The following TCF7L1 variants were observed in gnomAD, a reference collection of about 807,000 sequenced individuals.
TCF7L1 encodes transcription factor 7-like 1.
A neutral mutation model predicts 63.7 loss-of-function variants in TCF7L1; 18 were observed. That is an observed-to-expected ratio of 0.28 (90% CI 0.20 to 0.42). The LOEUF is 0.42. Ranked by LOEUF, TCF7L1 falls within the 10% of genes least tolerant of loss-of-function variation. The probability of loss-of-function intolerance (pLI) is 1.00; values close to 1 mark genes in which losing one functional copy is unlikely to be tolerated. For missense variants in TCF7L1, 654 were observed against 779.3 expected, an observed-to-expected ratio of 0.84 and a Z score of 1.91; for synonymous variants, 355 against 340.9, an observed-to-expected ratio of 1.04 and a Z score of -0.46.
chr2:85,138,859 A>G (rs965908713), intron 3 of TCF7L1, among the ~76,000 whole-genome samples: 1 of 152,180 alleles, frequency 6.6e-6, no homozygotes, highest in African/African-American at 2.4e-5. Context: ...TACTAAAATA[A>G]TTGGGAAATA....
At chr2:85,222,740 T>C (rs902258185) in intron 3 of TCF7L1, among the ~76,000 whole-genome samples, 1 of 149,232 alleles carries the variant, frequency 6.7e-6, no homozygotes, top group Non-Finnish European at 1.5e-5. Context: ...CAATAGCAAA[T>C]GTATGGACCA....
intron 3 of TCF7L1, among the ~76,000 whole-genome samples, chr2:85,201,205 G>A: frequency 6.6e-6 from 1 of 152,074 alleles, no homozygotes; most frequent in Non-Finnish European, 1.5e-5. Flanking sequence ...TTCGTCTCAA[G>A]AAAACAAAAA....
chr2:85,163,020 A>G (rs1425929864), intron 3 of TCF7L1, among the ~76,000 whole-genome samples: 3 of 152,134 alleles, frequency 2.0e-5, no homozygotes, highest in East Asian at 3.9e-4. Flanking sequence ...GAACCACTAA[A>G]ATAAACACAA....
At chr2:85,308,458 T>TCTTTCCCTCC (rs1682188503) in intron 11 of TCF7L1, among the ~76,000 whole-genome samples, 2 of 46,340 alleles carry the variant, frequency 4.3e-5, no homozygotes, top group Non-Finnish European at 7.3e-5. Context: ...TTTCCCTCCC[T>TCTTTCCCTCC]CTCTTTCCCT....
chr2:85,280,989 G>T (rs1175237680), intron 3 of TCF7L1, among the ~76,000 whole-genome samples: 2 of 151,440 alleles, frequency 1.3e-5, no homozygotes, highest in African/African-American at 4.9e-5. Context: ...AGTTGGGGAA[G>T]CGTTTAGCCT....
chr2:85,297,472 C>T (rs980579858), intron 4 of TCF7L1, among the ~76,000 whole-genome samples: 2 of 152,132 alleles, frequency 1.3e-5, no homozygotes, highest in Non-Finnish European at 2.9e-5. Context: ...GTTTCTTTGG[C>T]CAAAATGTCC....
At chr2:85,140,684 C>T (rs564362257) in intron 3 of TCF7L1, among the ~76,000 whole-genome samples, 4 of 152,068 alleles carry the variant, frequency 2.6e-5, no homozygotes, top group Admixed American at 6.6e-5. Context: ...CCTGTAATCC[C>T]GGGTACTCAG....
intron 3 of TCF7L1, among the ~76,000 whole-genome samples, chr2:85,242,731 G>A (rs1028510712): frequency 4.6e-5 from 7 of 152,096 alleles, no homozygotes; most frequent in Admixed American, 6.6e-5. Context: ...CCTTCCACAC[G>A]GGATGTGTTG....
intron 3 of TCF7L1, among the ~76,000 whole-genome samples, chr2:85,136,239 C>A (rs1383128389): frequency 1.3e-5 from 2 of 152,176 alleles, no homozygotes; most frequent in African/African-American, 4.8e-5. Flanking sequence ...TTTCTCCATG[C>A]ACCCATTTCT....
chr2:85,197,008 G>A (rs555122694), intron 3 of TCF7L1, among the ~76,000 whole-genome samples: 16 of 152,240 alleles, frequency 1.1e-4, no homozygotes, highest in Middle Eastern at 3.4e-3. Context: ...AGGGCCTTGC[G>A]TGCAGGTTTC....
intron 3 of TCF7L1, among the ~76,000 whole-genome samples, chr2:85,180,002 TA>T (rs1678763434): frequency 6.6e-6 from 1 of 152,002 alleles, no homozygotes; most frequent in Non-Finnish European, 1.5e-5. Flanking sequence ...GCTTCACACA[TA>T]GGGGGTGTCT....
rs149984534 is a variant in TCF7L1, at chr2:85,231,582, A to G, written c.442-51913A>G. Among the ~76,000 whole-genome samples the G allele has an allele frequency of 4.2e-3, 637 of 152,144 alleles. 1 individual carries two copies. The highest frequency in any genetic ancestry group is 0.01 in the Middle Eastern group (3 of 294). On this transcript the variant is annotated intron_variant, in intron 3 of 11. Transcript: ENST00000282111. ...CACCCACCCAACTCCACTCTGGGCC[A>G]CCGCTGGTGTATCCAAGATCAGGAC...
intron 3 of TCF7L1, among the ~76,000 whole-genome samples, chr2:85,207,714 G>A (rs1379491028): frequency 2.0e-5 from 3 of 151,814 alleles, no homozygotes; most frequent in African/African-American, 7.3e-5. Flanking sequence ...TTATGGTGGT[G>A]CAAAAGTGAT....
intron 3 of TCF7L1, among the ~76,000 whole-genome samples, chr2:85,146,259 C>T (rs1301176881): frequency 1.3e-5 from 2 of 152,082 alleles, no homozygotes; most frequent in African/African-American, 4.8e-5. Flanking sequence ...GACAGTAAAC[C>T]AGAGGCCCAG....
intron 3 of TCF7L1, among the ~76,000 whole-genome samples, chr2:85,268,248 A>T (rs1173901620): frequency 6.6e-6 from 1 of 152,170 alleles, no homozygotes; most frequent in Non-Finnish European, 1.5e-5. Flanking sequence ...AGGTCAGCTA[A>T]ATTAGGGTCT....
In TCF7L1 at chr2:85,303,239, G is replaced by GT. The variant is rs1682026280; in HGVS notation, c.658+625dup. On this transcript the variant is annotated intron_variant, in intron 5 of 11. Coordinates refer to ENST00000282111, the MANE Select transcript of TCF7L1 (RefSeq NM_031283.3). ...TTTAGTAGAGATGGGTTTCTGCCAT[G>GT]TTGCCCAGGCTGGTCTCAAACTCCT... 2.6e-5 allele frequency among the ~76,000 whole-genome samples: 4 copies of GT among 152,128 alleles called. No individual in the cohort carries two copies. The South Asian group carries it at 6.2e-4, about 24-fold the overall frequency.
chr2:85,143,442 T>A (rs1308246861), intron 3 of TCF7L1, among the ~76,000 whole-genome samples: 1 of 152,182 alleles, frequency 6.6e-6, no homozygotes, highest in Non-Finnish European at 1.5e-5. Flanking sequence ...TGGCTGGTCT[T>A]AAGGGGCGCA....
intron 3 of TCF7L1, among the ~76,000 whole-genome samples, chr2:85,182,049 G>C (rs1436302947): frequency 1.3e-5 from 2 of 152,166 alleles, no homozygotes; most frequent in African/African-American, 4.8e-5. Context: ...GGGGAAAAGG[G>C]AGCAGCTGGT....
chr2:85,276,875 C>T (rs1206329178), intron 3 of TCF7L1, among the ~76,000 whole-genome samples: 8 of 152,212 alleles, frequency 5.3e-5, no homozygotes, highest in South Asian at 2.1e-4. Flanking sequence ...CACCGTGTAC[C>T]GCTTCTCGAG....
Sources: allele counts gnomAD v4.1 joint callset (sites outside exome capture counted in the v4.1 genomes callset), GRCh38; gene constraint gnomAD v4.1.1; transcripts MANE v1.5; gene names NCBI Gene and HGNC (gene_info 2026-07-23, HGNC 2026-07-21).